The following IGBP1C variants were observed in gnomAD, a reference collection of about 807,000 sequenced individuals.
The protein encoded by IGBP1C is IGBP1 family member C.
chr17:58,664,900 A>G, the IGBP1C span, among the ~76,000 whole-genome samples: 1 of 152,194 alleles, frequency 6.6e-6, no homozygotes, highest in East Asian at 1.9e-4. Context: ...CCCTGGGTTC[A>G]GTGGCACTGA....
chr17:58,682,360 C>T, the IGBP1C span, among the ~76,000 whole-genome samples: 4 of 151,876 alleles, frequency 2.6e-5, no homozygotes, highest in East Asian at 3.9e-4. Context: ...CAGGTTCAAG[C>T]GGTTCTCCTG....
chr17:58,679,555 A>T, the IGBP1C span: 2 of 152,250 alleles, frequency 1.3e-5, no homozygotes, highest in Non-Finnish European at 2.9e-5. Flanking sequence ...AGTCCCCACT[A>T]CCACAAATTA....
At chr17:58,671,694 C>T in the IGBP1C span, among the ~76,000 whole-genome samples, 1 of 152,154 alleles carries the variant, frequency 6.6e-6, no homozygotes, top group South Asian at 2.1e-4. Context: ...TTCTCTGGGT[C>T]TCTGTGGATT....
At chr17:58,675,995 G>A in the IGBP1C span, among the ~76,000 whole-genome samples, 14 of 152,162 alleles carry the variant, frequency 9.2e-5, no homozygotes, top group African/African-American at 2.4e-4. Context: ...ATCCCAGCAC[G>A]TTGGGAGGCT....
chr17:58,683,494 G>A, the IGBP1C span, among the ~76,000 whole-genome samples: 10 of 152,038 alleles, frequency 6.6e-5, no homozygotes, highest in African/African-American at 2.4e-4. Flanking sequence ...CAGGTGCGGT[G>A]GTTTACGCCT....
chr17:58,687,143 G>A, the IGBP1C span, among the ~76,000 whole-genome samples: 1 of 152,024 alleles, frequency 6.6e-6, no homozygotes, highest in African/African-American at 2.4e-5. Flanking sequence ...GCAAACTCAC[G>A]ACTGCTCCTG....
At chr17:58,679,627 G>T in the IGBP1C span, 12 of 152,174 alleles carry the variant, frequency 7.9e-5, no homozygotes, top group African/African-American at 2.9e-4. Flanking sequence ...CAATGCAAGA[G>T]ACAAACCTCA....
the IGBP1C span, among the ~76,000 whole-genome samples, chr17:58,674,160 C>T: frequency 1.3e-5 from 2 of 151,934 alleles, no homozygotes; most frequent in Non-Finnish European, 2.9e-5. Context: ...CCTATAATCC[C>T]AGCTACTCGG....
At chr17:58,681,441 T>C in the IGBP1C span, among the ~76,000 whole-genome samples, 3 of 152,176 alleles carry the variant, frequency 2.0e-5, no homozygotes, top group Non-Finnish European at 4.4e-5. Context: ...TTTATTTTTA[T>C]ATACTTTCCT....
At chr17:58,661,558 G>C in the IGBP1C span, 2 of 750,718 alleles carry the variant, frequency 2.7e-6, no homozygotes, top group Admixed American at 1.9e-5. Context: ...ACAGCTCGGG[G>C]AGCCGCGGCG....
chr17:58,681,602 T>C, the IGBP1C span, among the ~76,000 whole-genome samples: 1 of 151,780 alleles, frequency 6.6e-6, no homozygotes, highest in East Asian at 1.9e-4. Context: ...GTAATCCCAG[T>C]ACTGTGGGAG....
chr17:58,683,541 T>C, the IGBP1C span, among the ~76,000 whole-genome samples: 1 of 151,666 alleles, frequency 6.6e-6, no homozygotes, highest in African/African-American at 2.4e-5. Flanking sequence ...GGCAGGCGGA[T>C]AACCTGAGGT....
the IGBP1C span, chr17:58,661,391 A>C: frequency 2.2e-6 from 2 of 892,266 alleles, no homozygotes; most frequent in South Asian, 2.6e-5. Flanking sequence ...AATCTCCTCC[A>C]AATCTTCATT....
chr17:58,686,736 C>T, the IGBP1C span, among the ~76,000 whole-genome samples: 1 of 152,024 alleles, frequency 6.6e-6, no homozygotes, highest in South Asian at 2.1e-4. Context: ...ATGTCTGAGG[C>T]CTTAAAGAAG....
At chr17:58,678,470 A>T in the IGBP1C span, among the ~76,000 whole-genome samples, 1 of 152,182 alleles carries the variant, frequency 6.6e-6, no homozygotes, top group African/African-American at 2.4e-5. Context: ...CGTGGCACAT[A>T]TACACCACGG....
At chr17:58,666,516 T>A in the IGBP1C span, 5 of 133,620 alleles carry the variant, frequency 3.7e-5, no homozygotes, top group Non-Finnish European at 1.5e-5. Flanking sequence ...CTAACAAAAC[T>A]TGCATTTCAA....
the IGBP1C span, among the ~76,000 whole-genome samples, chr17:58,689,378 G>A: frequency 2.6e-5 from 4 of 151,726 alleles, no homozygotes; most frequent in Non-Finnish European, 5.9e-5. Context: ...ACATCAACAT[G>A]CCCAGCTAAT....
the IGBP1C span, among the ~76,000 whole-genome samples, chr17:58,683,376 C>CT: frequency 7.4e-5 from 11 of 147,824 alleles, no homozygotes; most frequent in Non-Finnish European, 1.3e-4. Flanking sequence ...CCATCCCCCC[C>CT]CCCAAAAAAA....
the IGBP1C span, among the ~76,000 whole-genome samples, chr17:58,684,683 A>G: frequency 6.6e-6 from 1 of 151,096 alleles, no homozygotes; most frequent in Non-Finnish European, 1.5e-5. Context: ...ATAAATAAAA[A>G]GCTTTCTTCC....
Sources: allele counts gnomAD v4.1 joint callset (sites outside exome capture counted in the v4.1 genomes callset), GRCh38; gene constraint gnomAD v4.1.1; transcripts MANE v1.5; gene names NCBI Gene and HGNC (gene_info 2026-07-23, HGNC 2026-07-21).